Variants in KCNK10 observed in about 807,000 individuals in gnomAD.
The protein encoded by KCNK10 is potassium channel subfamily K member 10.
KCNK10 carries 25 observed loss-of-function variants against 47.7 expected under a neutral mutation model. The ratio of observed to expected loss-of-function variants is 0.52; its 90% confidence interval spans 0.38 to 0.73. The LOEUF (loss-of-function observed/expected upper bound fraction) is 0.73. Ranked by LOEUF, KCNK10 falls within the 30% of genes least tolerant of loss-of-function variation. The probability of loss-of-function intolerance (pLI) is 0.00; values close to 1 mark genes in which losing one functional copy is unlikely to be tolerated. For missense variants in KCNK10, 563 were observed against 714.5 expected, an observed-to-expected ratio of 0.79 and a Z score of 2.42; for synonymous variants, 303 against 285.6, an observed-to-expected ratio of 1.06 and a Z score of -0.61.
At chr14:88,239,278 G>T (rs1434616560) in intron 3 of KCNK10, among the ~76,000 whole-genome samples, 1 of 151,906 alleles carries the variant, frequency 6.6e-6, no homozygotes, top group East Asian at 1.9e-4. Context: ...AACTTATATA[G>T]AATGACACCA....
chr14:88,256,073 G>A (rs542940022), intron 2 of KCNK10, among the ~76,000 whole-genome samples: 64 of 152,212 alleles, frequency 4.2e-4, no homozygotes, highest in African/African-American at 1.4e-3. Flanking sequence ...TTCTAGAGAC[G>A]GATGCATCTT....
chr14:88,193,854 TCAAA>T (rs1410832587), intron 4 of KCNK10, among the ~76,000 whole-genome samples: 24 of 152,140 alleles, frequency 1.6e-4, no homozygotes, highest in Admixed American at 1.3e-3. Flanking sequence ...AAGAAAGTTG[TCAAA>T]CAAAGTCGTC....
In KCNK10 at chr14:88,184,879, T is replaced by C. The variant is rs1884488134; in HGVS notation, c.*656A>G. On this transcript the variant is annotated 3_prime_UTR_variant, in exon 7 of 7. Transcript: ENST00000319231. ...ATTGGTTAAGGTGATATCCACAGTGTGATGTGTTTGTGATTATTTTTTTTC... is the reference window on the plus strand; with the variant it reads ...ATTGGTTAAGGTGATATCCACAGTGCGATGTGTTTGTGATTATTTTTTTTC... The C allele has an allele frequency of 6.5e-6, 1 of 152,736 alleles. No homozygotes were observed. The highest frequency in any genetic ancestry group is 1.5e-5 in the Non-Finnish European group (1 of 68,182). 9.5% of individuals were successfully genotyped at this position (152,736 alleles called of 1,614,324 possible).
intron 4 of KCNK10, among the ~76,000 whole-genome samples, chr14:88,207,996 C>T (rs73326112): frequency 1.2e-4 from 18 of 152,316 alleles, no homozygotes; most frequent in African/African-American, 4.3e-4. Context: ...GAATGTGGCA[C>T]ATTCAGTGCA....
intron 4 of KCNK10, among the ~76,000 whole-genome samples, chr14:88,213,616 T>C (rs1331170990): frequency 6.6e-6 from 1 of 152,152 alleles, no homozygotes; most frequent in East Asian, 1.9e-4. Flanking sequence ...TAATACTTAA[T>C]GAAACCCCTG....
intron 2 of KCNK10, among the ~76,000 whole-genome samples, chr14:88,256,706 A>C (rs1886966587): frequency 6.6e-6 from 1 of 152,220 alleles, no homozygotes; most frequent in South Asian, 2.1e-4. Flanking sequence ...TTTGAAGCCC[A>C]AGAGTCATTT....
At chr14:88,276,113 C>T (rs1426745449) in intron 1 of KCNK10, among the ~76,000 whole-genome samples, 2 of 151,982 alleles carry the variant, frequency 1.3e-5, no homozygotes, top group Non-Finnish European at 2.9e-5. Flanking sequence ...GAAGCGATTA[C>T]TGCTACGGTC....
rs189661058 is a variant in KCNK10, at chr14:88,302,544, T to C, written c.52+20203A>G. ...GGCCAACATGGTGAAACCCTGTCTC[T>C]ACTAAAAATACAAAAATTAGCTAGG... On this transcript the variant is annotated intron_variant, in intron 1 of 6. Transcript: ENST00000319231. Among the ~76,000 whole-genome samples, 8 of 152,174 alleles carry C rather than the reference T, an allele frequency of 5.3e-5. 1 individual carries two copies. The highest frequency in any genetic ancestry group is 5.2e-4 in the Admixed American group (8 of 15,290).
chr14:88,263,524 C>A lies in KCNK10; in HGVS notation c.80G>T (p.Cys27Phe). The A allele has an allele frequency of 6.2e-7, 1 of 1,612,406 alleles. No homozygotes were observed. The highest frequency in any genetic ancestry group is 8.5e-7 in the Non-Finnish European group (1 of 1,179,880). ...KVAVPAAAPV[C>F]QPKSATNGQP... The stretch of plus-strand genomic sequence containing the variant: ...CCCGTTAGTGGCGCTCTTGGGCTGG[C>A]ACACCGGTGCTGCTGCGGGAACGGC... The change falls in exon 2 of 7, where the codon TGC becomes TTC. Residue 27 changes from cysteine (C) to phenylalanine (F), a missense_variant. By Grantham distance (205) the Cys-to-Phe change is radical. Transcript: ENST00000319231.
chr14:88,246,264 GAAA>G (rs35102974), intron 2 of KCNK10, among the ~76,000 whole-genome samples: 2 of 55,338 alleles, frequency 3.6e-5, no homozygotes, highest in Non-Finnish European at 6.5e-5. Flanking sequence ...CTCCGTCTCA[GAAA>G]AAAAAAAAAA....
chr14:88,269,189 T>C (rs900323522), intron 1 of KCNK10, among the ~76,000 whole-genome samples: 1 of 152,210 alleles, frequency 6.6e-6, no homozygotes, highest in African/African-American at 2.4e-5. Flanking sequence ...GTGGGTGATA[T>C]GGAGGGGTAC....
intron 1 of KCNK10, among the ~76,000 whole-genome samples, chr14:88,304,924 G>C (rs1423235215): frequency 6.6e-6 from 1 of 152,202 alleles, no homozygotes; most frequent in Non-Finnish European, 1.5e-5. Context: ...CTGACCAGGT[G>C]TGATGGCTCA....
At chr14:88,309,862 G>GA (rs5810409) in intron 1 of KCNK10, among the ~76,000 whole-genome samples, 29,337 of 151,764 alleles carry the variant, frequency 0.19, 3,132 homozygotes, top group East Asian at 0.28. Flanking sequence ...AGCAACCTCT[G>GA]ACAACATTTG....
chr14:88,283,680 G>A (rs1887700472), intron 1 of KCNK10, among the ~76,000 whole-genome samples: 1 of 152,200 alleles, frequency 6.6e-6, no homozygotes, highest in Admixed American at 6.5e-5. Flanking sequence ...GGGAGGCCAA[G>A]GCAGGTGGAT....
At chr14:88,281,446 G>T (rs981627824) in intron 1 of KCNK10, among the ~76,000 whole-genome samples, 1 of 152,144 alleles carries the variant, frequency 6.6e-6, no homozygotes, top group Non-Finnish European at 1.5e-5. Context: ...CGACATAGGT[G>T]GTCCACATCC....
chr14:88,266,546 T>C lies in KCNK10; in HGVS notation c.53-2995A>G, dbSNP rs1454998296. On this transcript the variant is annotated intron_variant, in intron 1 of 6. Coordinates refer to ENST00000319231, the MANE Select transcript of KCNK10 (RefSeq NM_138317.3). ...ATCATTGGATCTCAATTTCTTGGCA[T>C]AGTGCCTGGCATAGAGCAAATGTTG... Among the ~76,000 whole-genome samples, 5 of 152,330 alleles carry C rather than the reference T, an allele frequency of 3.3e-5. No homozygotes were observed. In the East Asian group the frequency reaches 9.7e-4, roughly 29 times the overall value.
chr14:88,322,717 C>A lies in KCNK10; in HGVS notation c.52+30G>T, dbSNP rs774946073. 2 of 1,613,854 alleles carry A rather than the reference C, an allele frequency of 1.2e-6. No individual in the cohort carries two copies. The highest frequency in any genetic ancestry group is 1.7e-6 in the Non-Finnish European group (2 of 1,179,828). ...GCACACGCCGGAGACAGAGGCAGGG[C>A]GAGGGCAGCCAAAAGTAGGAAACAC... On this transcript the variant is annotated intron_variant, in intron 1 of 6. Transcript: ENST00000319231. The surrounding 1 kb of genome is among the most constrained non-coding windows in gnomAD (Gnocchi z 4.8).
chr14:88,214,199 A>G (rs146270089), intron 4 of KCNK10, among the ~76,000 whole-genome samples: 3,491 of 152,138 alleles, frequency 0.023, 127 homozygotes, highest in African/African-American at 0.08. Flanking sequence ...TCAGCCTCCC[A>G]AAGTGCTGGG....
intron 1 of KCNK10, among the ~76,000 whole-genome samples, chr14:88,303,345 T>C (rs79820436): frequency 0.03 from 4,613 of 152,200 alleles, 133 homozygotes; most frequent in Middle Eastern, 0.1. Context: ...GTACTTAAGA[T>C]AAAAGGACAG....
Sources: allele counts gnomAD v4.1 joint callset (sites outside exome capture counted in the v4.1 genomes callset), GRCh38; gene constraint gnomAD v4.1.1; non-coding constraint Gnocchi (gnomAD v3.1); transcripts MANE v1.5; gene names NCBI Gene and HGNC (gene_info 2026-07-23, HGNC 2026-07-21).